Variants in ETV4 observed in about 807,000 individuals in gnomAD.
ETV4 encodes the protein ETS variant transcription factor 4.
ETV4 carries 42 observed loss-of-function variants against 65.9 expected under a neutral mutation model. The ratio of observed to expected loss-of-function variants is 0.64; its 90% confidence interval spans 0.50 to 0.82. The LOEUF (loss-of-function observed/expected upper bound fraction) is 0.82. Among genes scored for constraint, ETV4 ranks in the 40% least tolerant of loss-of-function variants. The pLI is 0.00. For synonymous variants in ETV4, 238 were observed against 260.0 expected, an observed-to-expected ratio of 0.92 and a Z score of 0.81; for missense variants, 583 against 630.3, an observed-to-expected ratio of 0.92 and a Z score of 0.80.
rs1299418382 is a variant in ETV4, at chr17:43,533,338, G to A, written c.394C>T (p.Pro132Ser). The change falls in exon 7 of 13, where the codon CCC (proline) becomes TCC (serine). Residue 132 changes from proline (P) to serine (S), a missense_variant. Pro to Ser is a moderately conservative substitution (Grantham distance 74). Coordinates refer to ENST00000319349, the MANE Select transcript of ETV4 (RefSeq NM_001079675.5). Reference sequence around the variant, plus strand: ...GACTTGATGGCGATTTGTCTGGGGGGGTCATAGGCACTGGAGTTGAGAAGG... The same window carrying A: ...GACTTGATGGCGATTTGTCTGGGGGAGTCATAGGCACTGGAGTTGAGAAGG... The part of the protein sequence containing the change: ...EQCLYSSAYD[P>S]PRQIAIKSPA... The A allele has an allele frequency of 6.2e-7, 1 of 1,613,156 alleles. No individual in the cohort carries two copies. Among genetic ancestry groups the A allele is most frequent in the South Asian group, 1.1e-5 (1 of 91,054 alleles).
At chr17:43,530,890 C>A (rs1018926924) in intron 8 of ETV4, among the ~76,000 whole-genome samples, 1 of 151,864 alleles carries the variant, frequency 6.6e-6, no homozygotes, top group Non-Finnish European at 1.5e-5. Flanking sequence ...CGGGAGGAGG[C>A]GGGAGGGTGG....
intron 8 of ETV4, among the ~76,000 whole-genome samples, chr17:43,532,282 T>A (rs1043188849): frequency 2.6e-5 from 4 of 152,176 alleles, no homozygotes; most frequent in African/African-American, 9.7e-5. Context: ...ATGGATCATA[T>A]GAAGTCAGGA....
intron 4 of ETV4, 136 bp downstream of exon 4, chr17:43,544,839 G>C: frequency 1.3e-6 from 1 of 762,216 alleles, no homozygotes; most frequent in South Asian, 1.6e-5. Context: ...CAAGGGACCT[G>C]GGGAGAGGGC....
At chr17:43,543,692 G>T (rs1971644045) in intron 4 of ETV4, among the ~76,000 whole-genome samples, 1 of 152,220 alleles carries the variant, frequency 6.6e-6, no homozygotes, top group Non-Finnish European at 1.5e-5. Context: ...GTAAATTGGA[G>T]CTGGGCATGC....
intron 4 of ETV4, 179 bp downstream of exon 4, chr17:43,544,796 T>C (rs191655507): frequency 3.3e-6 from 2 of 598,306 alleles, no homozygotes; most frequent in Non-Finnish European, 6.1e-6. Flanking sequence ...TCAATATAAG[T>C]GTCCACGCTG....
intron 2 of ETV4, 54 bp downstream of exon 2, chr17:43,545,504 G>A: frequency 8.0e-7 from 1 of 1,242,914 alleles, no homozygotes; most frequent in Non-Finnish European, 1.1e-6. Flanking sequence ...GCTGTGGTGA[G>A]AGTAGGGGCT....
intron 6 of ETV4, 149 bp downstream of exon 6, chr17:43,533,710 C>A (rs755273382): frequency 1.6e-5 from 16 of 1,020,378 alleles, no homozygotes; most frequent in Non-Finnish European, 9.9e-6. Context: ...AGAGGAAATC[C>A]TTAGCTGTAT....
rs1283205963 is a variant in ETV4, at chr17:43,529,183, C to T, written c.1182G>A (p.Lys394=). ...QKNRPAMNYD[K]LSRSLRYYYE... ...AATAGTATCGGAGCGAGCGGCTCAG[C>T]TTGTCGTAATTCATGGCTGGCCGGT... The change falls in exon 12 of 13, where the codon AAG becomes AAA. Residue 394 remains lysine (K), a synonymous_variant. Transcript: ENST00000319349. 8.1e-6 allele frequency: 13 copies of T among 1,613,930 alleles called. No homozygotes were observed. The highest frequency in any genetic ancestry group is 1.6e-4 in the Middle Eastern group (1 of 6,084).
intron 4 of ETV4, among the ~76,000 whole-genome samples, chr17:43,543,030 G>C (rs1028650662): frequency 1.3e-5 from 2 of 152,078 alleles, no homozygotes; most frequent in Non-Finnish European, 2.9e-5. Context: ...AGGGGGACAG[G>C]GCCCCGGCAG....
Position 43,530,557 on chromosome 17 carries a change from T to G in ETV4, c.812-376A>C, listed in dbSNP as rs149159894. ...GTCCACGCCTAAGACTCCCTCAGAA[T>G]GGACAAAAATGTCCGGTCAGCAGGT... is the stretch of plus-strand genomic sequence containing the variant. On this transcript the variant is annotated intron_variant, in intron 8 of 12. Coordinates refer to ENST00000319349, the MANE Select transcript of ETV4 (RefSeq NM_001079675.5). The G allele has an allele frequency of 6.8e-4, 395 of 580,764 alleles. 4 individuals are homozygous for G. The East Asian group carries it at 0.018, about 27-fold the overall frequency. The allele number at this position is 580,764 out of a possible 1,614,324, so 36.0% of individuals were successfully genotyped here.
intron 4 of ETV4, among the ~76,000 whole-genome samples, chr17:43,538,542 A>G (rs1332639843): frequency 6.6e-6 from 1 of 152,182 alleles, no homozygotes; most frequent in Non-Finnish European, 1.5e-5. Flanking sequence ...ATACAGCAGC[A>G]GCTCATCCAT....
intron 8 of ETV4, among the ~76,000 whole-genome samples, chr17:43,532,301 C>G (rs185104301): frequency 1.3e-5 from 2 of 152,256 alleles, no homozygotes; most frequent in Non-Finnish European, 2.9e-5. Context: ...GAGTTCGAGA[C>G]CATCCTGGCC....
rs1204804775 is a variant in ETV4, at chr17:43,528,560, G to C, written c.1414C>G (p.Pro472Ala). 6.2e-7 allele frequency: 1 copy of C among 1,613,522 alleles called. No individual in the cohort carries two copies. The highest frequency in any genetic ancestry group is 1.7e-5 in the Admixed American group (1 of 60,000). Reference sequence around the variant, plus strand: ...CCCTTGGGGCCAAATGGCTGGGCGGGGCCAGCCAGCTCTGGGAGGTAGGCG... The same window carrying C: ...CCCTTGGGGCCAAATGGCTGGGCGGCGCCAGCCAGCTCTGGGAGGTAGGCG... ...SPAYLPELAGPAQPFGPKGGY... is the reference protein window; with the variant it reads ...SPAYLPELAGAAQPFGPKGGY... Residue 472 changes from proline to alanine, a missense_variant, in exon 13 of 13, where the codon CCC becomes GCC. Coordinates refer to ENST00000319349, the MANE Select transcript of ETV4 (RefSeq NM_001079675.5).
At chr17:43,540,144 C>G (rs1308087303) in intron 4 of ETV4, among the ~76,000 whole-genome samples, 1 of 152,166 alleles carries the variant, frequency 6.6e-6, no homozygotes, top group African/African-American at 2.4e-5. Flanking sequence ...TCAAGAGTCA[C>G]CAGGACGTTG....
At position 43,528,528 on chromosome 17, in the gene ETV4, G is replaced by A; in HGVS notation, c.1446C>T (p.Tyr482=). ...GAACAGCCGCTGGGGGCTAGTAAGA[G>A]TAGCCACCCTTGGGGCCAAATGGCT... ...PAQPFGPKGG[Y]SY is the part of the protein sequence containing the mutation. Residue 482 remains tyrosine, a synonymous_variant, in exon 13 of 13, where the codon TAC becomes TAT. Coordinates refer to ENST00000319349, the MANE Select transcript of ETV4 (RefSeq NM_001079675.5). 6.2e-7 allele frequency: 1 copy of A among 1,607,644 alleles called. No homozygotes were observed. The highest frequency in any genetic ancestry group is 2.2e-5 in the East Asian group (1 of 44,758).
At chr17:43,542,060 G>A (rs1455571833) in intron 4 of ETV4, among the ~76,000 whole-genome samples, 2 of 152,160 alleles carry the variant, frequency 1.3e-5, no homozygotes, top group Non-Finnish European at 2.9e-5. Context: ...CACACATGGG[G>A]TCTTTTTTTG....
intron 4 of ETV4, among the ~76,000 whole-genome samples, chr17:43,538,257 A>C (rs1466933613): frequency 6.6e-6 from 1 of 152,134 alleles, no homozygotes; most frequent in East Asian, 1.9e-4. Flanking sequence ...CAGTGAGCTG[A>C]GATCACACCA....
chr17:43,545,452 G>C, intron 2 of ETV4, 85 bp from the exon 3 acceptor site: 2 of 1,464,802 alleles, frequency 1.4e-6, no homozygotes, highest in South Asian at 1.3e-5. Flanking sequence ...GTGACTCAGG[G>C]GCGGGGCAGC....
intron 4 of ETV4, among the ~76,000 whole-genome samples, chr17:43,542,417 A>G (rs1971570555): frequency 6.6e-6 from 1 of 152,122 alleles, no homozygotes; most frequent in Non-Finnish European, 1.5e-5. Flanking sequence ...CCAAGGATTC[A>G]GGGCTCCTGA....
Sources: allele counts gnomAD v4.1 joint callset (sites outside exome capture counted in the v4.1 genomes callset), GRCh38; gene constraint gnomAD v4.1.1; transcripts MANE v1.5; gene names NCBI Gene and HGNC (gene_info 2026-07-23, HGNC 2026-07-21).